The following MACROD2 variants were observed in gnomAD, a reference collection of about 807,000 sequenced individuals.
MACROD2 encodes the protein ADP-ribose glycohydrolase MACROD2.
Under a neutral mutation model 70.4 loss-of-function variants are expected in MACROD2, and 36 were observed. The observed-to-expected ratio is 0.51, with a 90% CI of 0.39 to 0.68. MACROD2 has a LOEUF of 0.68. Ranked by LOEUF, MACROD2 falls within the 30% of genes least tolerant of loss-of-function variation. The pLI is 0.00. For missense variants in MACROD2, 496 were observed against 538.4 expected, an observed-to-expected ratio of 0.92 and a Z score of 0.78; for synonymous variants, 172 against 178.8, an observed-to-expected ratio of 0.96 and a Z score of 0.30.
chr20:14,745,804 C>A (rs1205205347), intron 5 of MACROD2, among the ~76,000 whole-genome samples: 1 of 152,064 alleles, frequency 6.6e-6, no homozygotes, highest in African/African-American at 2.4e-5. Context: ...CATTGGGACC[C>A]TTCAGTCAGG....
chr20:15,967,701 ACCC>A, intron 13 of MACROD2, 71 bp downstream of exon 13: 2 of 1,139,852 alleles, frequency 1.8e-6, no homozygotes, highest in South Asian at 1.5e-5. Context: ...AAAAAAAAAA[ACCC>A]ACAGACTTGA....
intron 7 of MACROD2, among the ~76,000 whole-genome samples, chr20:15,478,448 T>G (rs188074804): frequency 1.5e-3 from 223 of 152,296 alleles, no homozygotes; most frequent in Non-Finnish European, 2.5e-3. Flanking sequence ...TGATGATGCA[T>G]GTGACATGTG....
rs529478508 is a variant in MACROD2 at position 15,459,648 on chromosome 20, G to A, written c.571+28213G>A. Among the ~76,000 whole-genome samples the A allele has an allele frequency of 1.4e-4, 22 of 152,248 alleles. No homozygotes were observed. In the South Asian group the frequency reaches 4.6e-3, roughly 32 times the overall value. ...CTGGGCGAGGGGAATGGGAAGTGAA[G>A]TATGAAGTTAGTAGGGGTCTTCTGA... On this transcript the variant is annotated intron_variant, in intron 7 of 17. Coordinates refer to ENST00000684519, the MANE Select transcript of MACROD2 (RefSeq NM_001351661.2).
chr20:14,884,256 G>T (rs745495929), intron 5 of MACROD2: 1 of 152,120 alleles, frequency 6.6e-6, no homozygotes, highest in African/African-American at 2.4e-5. Flanking sequence ...AAAGTTATTG[G>T]CTTAAAACAA....
chr20:15,921,979 C>T lies in MACROD2; in HGVS notation c.776-11297C>T, dbSNP rs542109568. Among the ~76,000 whole-genome samples the T allele has an allele frequency of 1.4e-3, 218 of 152,300 alleles. 1 individual carries two copies. Among genetic ancestry groups the T allele is most frequent in the African/African-American group, 4.9e-3 (204 of 41,574 alleles). ...GGATGCCAGGGTAGGGGTATTTGTTCGCCCCCTCCTGTCCGTCATTGGTTG... is the reference window on the plus strand; with the variant it reads ...GGATGCCAGGGTAGGGGTATTTGTTTGCCCCCTCCTGTCCGTCATTGGTTG... On this transcript the variant is annotated intron_variant, in intron 10 of 17. Transcript: ENST00000684519.
intron 5 of MACROD2, among the ~76,000 whole-genome samples, chr20:15,109,904 CGTTTT>C (rs2075941568): frequency 6.6e-6 from 1 of 151,012 alleles, no homozygotes; most frequent in Admixed American, 6.6e-5. Context: ...CTCTGGGAGC[CGTTTT>C]GTATTTGGGA....
chr20:15,901,202 C>T (rs915750792), intron 10 of MACROD2, among the ~76,000 whole-genome samples: 2 of 152,102 alleles, frequency 1.3e-5, no homozygotes, highest in Admixed American at 6.5e-5. Context: ...CCCCCAGTTG[C>T]ACTAATTCCA....
chr20:14,084,061 C>CAAA (rs1211049702), intron 2 of MACROD2, among the ~76,000 whole-genome samples: 6,194 of 59,596 alleles, frequency 0.1, 2,214 homozygotes, highest in South Asian at 0.12. Context: ...GACTCCGTCT[C>CAAA]AAAAAAAAAC....
At chr20:15,572,272 G>A (rs2048386533) in intron 8 of MACROD2, among the ~76,000 whole-genome samples, 1 of 151,968 alleles carries the variant, frequency 6.6e-6, no homozygotes, top group Admixed American at 6.6e-5. Context: ...GTTCACTCTT[G>A]TAAATCATAA....
chr20:14,076,718 T>TA (rs2053920653), intron 2 of MACROD2, among the ~76,000 whole-genome samples: 2 of 152,084 alleles, frequency 1.3e-5, no homozygotes, highest in African/African-American at 4.8e-5. Context: ...ATAACTTTGC[T>TA]AAGTCTTCAA....
intron 6 of MACROD2, among the ~76,000 whole-genome samples, chr20:15,318,868 G>C (rs967167160): frequency 6.6e-6 from 1 of 152,110 alleles, no homozygotes; most frequent in Non-Finnish European, 1.5e-5. Flanking sequence ...GGTCAATGGT[G>C]AAAGACTGAA....
intron 5 of MACROD2, among the ~76,000 whole-genome samples, chr20:14,911,404 G>A (rs1299470792): frequency 6.6e-6 from 1 of 152,020 alleles, no homozygotes; most frequent in Non-Finnish European, 1.5e-5. Context: ...TAGAGATAGG[G>A]TCTTGCTCTG....
At chr20:15,273,427 T>C (rs1015166521) in intron 6 of MACROD2, among the ~76,000 whole-genome samples, 1 of 151,706 alleles carries the variant, frequency 6.6e-6, no homozygotes, top group Non-Finnish European at 1.5e-5. Context: ...CATATATATA[T>C]ATATATATGA....
At chr20:15,500,588 C>A (rs1168677486) in intron 8 of MACROD2, among the ~76,000 whole-genome samples, 9 of 152,058 alleles carry the variant, frequency 5.9e-5, no homozygotes, top group Admixed American at 5.9e-4. Context: ...TGTTTTTCTC[C>A]TCAGTTATTC....
chr20:14,197,689 C>G (rs759023104), intron 3 of MACROD2, among the ~76,000 whole-genome samples: 6 of 151,938 alleles, frequency 3.9e-5, no homozygotes, highest in Admixed American at 2.0e-4. Flanking sequence ...ATTGCTTGAA[C>G]CTGGTAAGTG....
At chr20:15,209,033 A>G (rs1303244000) in intron 5 of MACROD2, among the ~76,000 whole-genome samples, 1 of 151,500 alleles carries the variant, frequency 6.6e-6, no homozygotes. Flanking sequence ...TCTGTGCTGT[A>G]TGGTTGGAAT....
intron 8 of MACROD2, among the ~76,000 whole-genome samples, chr20:15,770,087 TTC>T (rs1184503817): frequency 0.037 from 3,111 of 84,952 alleles, 105 homozygotes; most frequent in East Asian, 0.074. Flanking sequence ...TATTTTAATT[TTC>T]TTTTTTTTTT....
At chr20:15,977,502 A>G (rs2066325062) in intron 13 of MACROD2, among the ~76,000 whole-genome samples, 1 of 152,218 alleles carries the variant, frequency 6.6e-6, no homozygotes, top group South Asian at 2.1e-4. Flanking sequence ...AGCATACAAG[A>G]CTTTACCTTG....
At chr20:14,074,069 A>C (rs2053884750) in intron 2 of MACROD2, among the ~76,000 whole-genome samples, 1 of 152,076 alleles carries the variant, frequency 6.6e-6, no homozygotes, top group African/African-American at 2.4e-5. Flanking sequence ...TCCCCCAGGC[A>C]ACATATGATC....
Sources: gnomAD v4.1 joint callset for allele counts (sites outside exome capture counted in the v4.1 genomes callset) on GRCh38, gnomAD v4.1.1 for gene constraint, MANE v1.5 for transcripts, NCBI Gene and HGNC (gene_info 2026-07-23, HGNC 2026-07-21) for gene names.